CYRIB: variants seen among roughly 807,000 people sequenced by gnomAD.
CYRIB encodes CYFIP-related Rac1 interactor B.
In CYRIB, 8 loss-of-function variants were observed where a neutral mutation model predicts 44.2. That is an observed-to-expected ratio of 0.18 (90% CI 0.11 to 0.33). The LOEUF is 0.33. CYRIB is among the 10% of genes least tolerant of loss of function. The pLI, the probability that CYRIB is intolerant of heterozygous loss-of-function variation, is 1.00. For synonymous variants in CYRIB, 131 were observed against 127.2 expected, an observed-to-expected ratio of 1.03 and a Z score of -0.20; for missense variants, 185 against 382.8, an observed-to-expected ratio of 0.48 and a Z score of 4.31.
At chr8:129,944,782 C>CA (rs753047039), upstream of CYRIB, among the ~76,000 whole-genome samples, 2,378 of 138,448 alleles carry the variant, frequency 0.017, 26 homozygotes, top group Middle Eastern at 0.037. Flanking sequence ...GACTCTGTCT[C>CA]AAAAAAAAAA....
At chr8:129,982,441 G>A (rs1363628855) in intron 1 of CYRIB, among the ~76,000 whole-genome samples, 2 of 152,192 alleles carry the variant, frequency 1.3e-5, no homozygotes, top group African/African-American at 4.8e-5. Context: ...CATGCGGCTA[G>A]TGGCTACTCT....
intron 5 of CYRIB, among the ~76,000 whole-genome samples, chr8:129,856,816 C>A (rs16904159): frequency 6.6e-6 from 1 of 152,114 alleles, no homozygotes; most frequent in Non-Finnish European, 1.5e-5. Context: ...AAAGTTATAG[C>A]TAGTAAATGC....
intron 1 of CYRIB, among the ~76,000 whole-genome samples, chr8:130,006,614 A>ATG (rs1285074738): frequency 6.0e-5 from 1 of 16,602 alleles, no homozygotes; most frequent in Admixed American, 1.3e-3. Flanking sequence ...ATACATATAT[A>ATG]TGTGTATATA....
intron 2 of CYRIB, among the ~76,000 whole-genome samples, chr8:129,948,241 T>C (rs1052630031): frequency 2.0e-5 from 3 of 152,028 alleles, no homozygotes; most frequent in African/African-American, 7.2e-5. Context: ...TTGCCAAGAT[T>C]TGAATAGGGA....
intron 2 of CYRIB, among the ~76,000 whole-genome samples, chr8:129,964,599 T>C (rs2095401439): frequency 6.6e-6 from 1 of 152,158 alleles, no homozygotes; most frequent in Non-Finnish European, 1.5e-5. Flanking sequence ...AATGGGATTA[T>C]CGGGCCAAGC....
chr8:129,920,324 C>T (rs77673831), intron 1 of CYRIB, among the ~76,000 whole-genome samples: 1 of 151,960 alleles, frequency 6.6e-6, no homozygotes, highest in Non-Finnish European at 1.5e-5. Flanking sequence ...GTTCAACAGA[C>T]AAGACATCAA....
intron 3 of CYRIB, among the ~76,000 whole-genome samples, chr8:129,878,020 C>T (rs182144430): frequency 6.6e-6 from 1 of 152,142 alleles, no homozygotes; most frequent in Admixed American, 6.5e-5. Flanking sequence ...GCAATCTGCT[C>T]GACATCCTCA....
chr8:129,944,413 G>A (rs1008769103), upstream of CYRIB, among the ~76,000 whole-genome samples: 1 of 152,164 alleles, frequency 6.6e-6, no homozygotes, highest in Non-Finnish European at 1.5e-5. Flanking sequence ...CAGACAAACT[G>A]GATGGTGACA....
At chr8:129,994,241 C>G (rs977731538) in intron 1 of CYRIB, among the ~76,000 whole-genome samples, 20 of 151,922 alleles carry the variant, frequency 1.3e-4, no homozygotes, top group African/African-American at 4.6e-4. Flanking sequence ...CCAAGGTACG[C>G]CAAAGACTGC....
intron 5 of CYRIB, among the ~76,000 whole-genome samples, chr8:129,859,579 G>A (rs570330196): frequency 3.3e-5 from 5 of 152,280 alleles, no homozygotes; most frequent in South Asian, 2.1e-4. Flanking sequence ...CTTCCCAGAC[G>A]CTGGTGTCAC....
chr8:129,898,592 G>A (rs554098054), intron 2 of CYRIB, among the ~76,000 whole-genome samples: 1 of 152,252 alleles, frequency 6.6e-6, no homozygotes, highest in Admixed American at 6.5e-5. Context: ...AGGCACAAAT[G>A]TTTTCCTGGT....
At chr8:129,857,639 T>G (rs1045768066) in intron 5 of CYRIB, among the ~76,000 whole-genome samples, 1 of 152,172 alleles carries the variant, frequency 6.6e-6, no homozygotes, top group Non-Finnish European at 1.5e-5. Context: ...ATTTGCAGTG[T>G]GGAGCATGGA....
intron 1 of CYRIB, among the ~76,000 whole-genome samples, chr8:129,986,791 T>C (rs1382279003): frequency 6.6e-6 from 1 of 152,134 alleles, no homozygotes; most frequent in Non-Finnish European, 1.5e-5. Flanking sequence ...AGGTATTCTG[T>C]TGTAAGCAAC....
At chr8:129,973,344 G>A (rs1182554713) in intron 1 of CYRIB, among the ~76,000 whole-genome samples, 1 of 152,214 alleles carries the variant, frequency 6.6e-6, no homozygotes, top group Non-Finnish European at 1.5e-5. Context: ...ACAGGCAAAG[G>A]CTGGCAAGTT....
chr8:129,905,558 A>G (rs2135956021), intron 1 of CYRIB, among the ~76,000 whole-genome samples: 1 of 152,304 alleles, frequency 6.6e-6, no homozygotes. Context: ...TAACTGTTCT[A>G]GCTTTTCTCA....
At chr8:129,914,856 C>T (rs1434458640) in intron 1 of CYRIB, among the ~76,000 whole-genome samples, 6 of 152,158 alleles carry the variant, frequency 3.9e-5, no homozygotes, top group Non-Finnish European at 8.8e-5. Flanking sequence ...ACTTTCACAA[C>T]CTAAGAAGGA....
intron 8 of CYRIB, 175 bp from the exon 11 acceptor site, chr8:129,851,089 G>A: frequency 1.7e-6 from 1 of 582,796 alleles, no homozygotes; most frequent in South Asian, 2.1e-5. Context: ...TGGGGATACA[G>A]CTATGAGCAA....
chr8:129,875,246 GC>G (rs1474826807), intron 3 of CYRIB, among the ~76,000 whole-genome samples: 1 of 150,980 alleles, frequency 6.6e-6, no homozygotes, highest in East Asian at 1.9e-4. Flanking sequence ...ACTAGAAGAG[GC>G]TATGCAGGCC....
intron 5 of CYRIB, among the ~76,000 whole-genome samples, chr8:129,857,176 G>C (rs2046631423): frequency 6.6e-6 from 1 of 152,166 alleles, no homozygotes; most frequent in African/African-American, 2.4e-5. Flanking sequence ...AATGGATGTA[G>C]ACAGACATGC....
Sources: allele counts gnomAD v4.1 joint callset (sites outside exome capture counted in the v4.1 genomes callset), GRCh38; gene constraint gnomAD v4.1.1; transcripts MANE v1.5; gene names NCBI Gene and HGNC (gene_info 2026-07-23, HGNC 2026-07-21).